The following DENND1A variants were observed in gnomAD, a reference collection of about 807,000 sequenced individuals.
DENND1A encodes DENN domain-containing protein 1A.
In DENND1A, 51 loss-of-function variants were observed where a neutral mutation model predicts 113.7. The ratio of observed to expected loss-of-function variants is 0.45; its 90% confidence interval spans 0.36 to 0.57. The LOEUF (loss-of-function observed/expected upper bound fraction) is 0.57, where lower values mean the gene tolerates loss of function less well. Among genes scored for constraint, DENND1A ranks in the 20% least tolerant of loss-of-function variants. The pLI is 0.00. For missense variants in DENND1A, 1,258 were observed against 1,395.9 expected, an observed-to-expected ratio of 0.90 and a Z score of 1.57; for synonymous variants, 565 against 570.8, an observed-to-expected ratio of 0.99 and a Z score of 0.14.
At chr9:123,695,598 C>T (rs557424741) in intron 5 of DENND1A, among the ~76,000 whole-genome samples, 94 of 152,216 alleles carry the variant, frequency 6.2e-4, no homozygotes, top group African/African-American at 2.2e-3. Context: ...TTGCTGGGTC[C>T]TGGGGCTAAC....
chr9:123,453,451 G>A lies in DENND1A; in HGVS notation c.1228-1104C>T, dbSNP rs528820217. ...GCGTATGCTGTAACAAGTGGCTGCT[G>A]TACTGCGCCATGACACACTCCCATG... On this transcript the variant is annotated intron_variant, in intron 16 of 23. Transcript: ENST00000394215. Among the ~76,000 whole-genome samples the A allele has an allele frequency of 7.9e-5, 12 of 152,328 alleles. No homozygotes were observed. In the South Asian group the frequency reaches 2.1e-3, roughly 26 times the overall value.
At chr9:123,636,636 T>C (rs527448876) in intron 9 of DENND1A, among the ~76,000 whole-genome samples, 10 of 151,988 alleles carry the variant, frequency 6.6e-5, no homozygotes, top group East Asian at 1.9e-4. Context: ...GAGTAAATGT[T>C]TGGGGAATGG....
At chr9:123,850,818 C>T (rs556334581) in intron 2 of DENND1A, among the ~76,000 whole-genome samples, 9 of 152,126 alleles carry the variant, frequency 5.9e-5, no homozygotes, top group Admixed American at 1.3e-4. Flanking sequence ...GTCATAGCCA[C>T]CATTATTTTC....
At chr9:123,562,096 A>G (rs10818838) in intron 12 of DENND1A, among the ~76,000 whole-genome samples, 8,509 of 152,022 alleles carry the variant, frequency 0.056, 331 homozygotes, top group South Asian at 0.093. Flanking sequence ...TCCAAATCCA[A>G]TCACTTTGAT....
chr9:123,558,691 C>T (rs1181332723), intron 12 of DENND1A, among the ~76,000 whole-genome samples: 1 of 152,208 alleles, frequency 6.6e-6, no homozygotes, highest in African/African-American at 2.4e-5. Context: ...GACTGTGTGA[C>T]ATGGTGGCTG....
intron 13 of DENND1A, among the ~76,000 whole-genome samples, chr9:123,497,853 C>T (rs2052084135): frequency 6.6e-6 from 1 of 151,196 alleles, no homozygotes; most frequent in African/African-American, 2.4e-5. Flanking sequence ...TCATTCTACT[C>T]CTCAAGTAAG....
At chr9:123,726,819 T>A (rs2067742846) in intron 5 of DENND1A, among the ~76,000 whole-genome samples, 1 of 152,204 alleles carries the variant, frequency 6.6e-6, no homozygotes, top group Non-Finnish European at 1.5e-5. Context: ...CATAAACATT[T>A]TTTTGGAGAC....
chr9:123,681,660 G>A (rs1392833898), intron 5 of DENND1A, among the ~76,000 whole-genome samples: 2 of 152,164 alleles, frequency 1.3e-5, no homozygotes, highest in African/African-American at 4.8e-5. Context: ...TAACTGTGGG[G>A]CATCATGATG....
chr9:123,662,082 C>T (rs958316754), intron 8 of DENND1A, among the ~76,000 whole-genome samples: 3 of 152,114 alleles, frequency 2.0e-5, no homozygotes, highest in African/African-American at 4.8e-5. Context: ...CGTAGCAAGG[C>T]GCATCACTGC....
chr9:123,638,766 T>C (rs1201209712), intron 9 of DENND1A, among the ~76,000 whole-genome samples: 1 of 152,110 alleles, frequency 6.6e-6, no homozygotes, highest in Non-Finnish European at 1.5e-5. Context: ...CAGCCTCACA[T>C]GCACCTTTGA....
chr9:123,904,985 T>C (rs1003488890), intron 1 of DENND1A, among the ~76,000 whole-genome samples: 36 of 152,156 alleles, frequency 2.4e-4, no homozygotes, highest in East Asian at 2.3e-3. Flanking sequence ...CAAAGGGAAG[T>C]CCATCAGACT....
chr9:123,681,408 C>T (rs1280205806), intron 5 of DENND1A, among the ~76,000 whole-genome samples: 1 of 151,946 alleles, frequency 6.6e-6, no homozygotes, highest in Non-Finnish European at 1.5e-5. Context: ...AGCAGCTCTG[C>T]CTAAGGTGCC....
At chr9:123,846,643 A>C (rs10986121) in intron 2 of DENND1A, among the ~76,000 whole-genome samples, 10,144 of 152,302 alleles carry the variant, frequency 0.067, 462 homozygotes, top group African/African-American at 0.13. Context: ...GGAAACTAGA[A>C]TAGGCAAATT....
chr9:123,477,062 C>T (rs2049974198), intron 13 of DENND1A, among the ~76,000 whole-genome samples: 1 of 152,220 alleles, frequency 6.6e-6, no homozygotes, highest in Non-Finnish European at 1.5e-5. Flanking sequence ...GCTGGTCTCA[C>T]TACTCTCCAT....
intron 13 of DENND1A, among the ~76,000 whole-genome samples, chr9:123,515,903 CAA>C (rs1335229787): frequency 6.6e-6 from 1 of 151,726 alleles, no homozygotes; most frequent in African/African-American, 2.4e-5. Context: ...CCTGTCTTTA[CAA>C]AAAATAAAAA....
intron 1 of DENND1A, among the ~76,000 whole-genome samples, chr9:123,921,776 T>C (rs537004251): frequency 6.6e-6 from 1 of 152,106 alleles, no homozygotes; most frequent in Non-Finnish European, 1.5e-5. Flanking sequence ...ATATAACCAG[T>C]CCTCACCTCA....
intron 2 of DENND1A, among the ~76,000 whole-genome samples, chr9:123,824,379 G>A (rs1242079335): frequency 6.6e-6 from 1 of 152,198 alleles, no homozygotes; most frequent in Non-Finnish European, 1.5e-5. Context: ...CGGGACAGTG[G>A]TGTTCTATTC....
Position 123,661,552 on chromosome 9 carries a change from C to A in DENND1A, c.507+5474G>T, listed in dbSNP as rs551938549. On this transcript the variant is annotated intron_variant, in intron 8 of 23. Coordinates refer to ENST00000394215, the MANE Select transcript of DENND1A (RefSeq NM_001352964.2). ...GATACTGATATTTGAGAGGCCACTG[C>A]CCCCAAAATAGCCACACTAGTTCCA... Among the ~76,000 whole-genome samples the A allele has an allele frequency of 4.6e-5, 7 of 152,280 alleles. No individual in the cohort carries two copies. In the East Asian group the frequency reaches 1.2e-3, roughly 25 times the overall value.
intron 4 of DENND1A, among the ~76,000 whole-genome samples, chr9:123,766,494 T>C (rs1451872958): frequency 6.6e-6 from 1 of 152,230 alleles, no homozygotes; most frequent in Non-Finnish European, 1.5e-5. Context: ...GACAGTGATG[T>C]GGCAGCATCC....
Sources: allele counts gnomAD v4.1 joint callset (sites outside exome capture counted in the v4.1 genomes callset), GRCh38; gene constraint gnomAD v4.1.1; transcripts MANE v1.5; gene names NCBI Gene and HGNC (gene_info 2026-07-23, HGNC 2026-07-21).